The following NTRK2 variants were observed in gnomAD, a reference collection of about 807,000 sequenced individuals.
NTRK2 encodes BDNF/NT-3 growth factors receptor.
NTRK2 carries 13 observed loss-of-function variants against 94.5 expected under a neutral mutation model. The ratio of observed to expected loss-of-function variants is 0.14; its 90% CI spans 0.09 to 0.22. The LOEUF (loss-of-function observed/expected upper bound fraction) is 0.22. Ranked by LOEUF, NTRK2 falls within the 10% of genes least tolerant of loss-of-function variation. The probability of loss-of-function intolerance (pLI) is 1.00; values close to 1 mark genes in which losing one functional copy is unlikely to be tolerated. For synonymous variants in NTRK2, 372 were observed against 407.4 expected (o/e 0.91, Z 1.05); for missense variants, 639 against 1,071.2 (o/e 0.60, Z 5.63).
At chr9:84,768,415 CTT>C (rs2066227751) in intron 12 of NTRK2, among the ~76,000 whole-genome samples, 1 of 152,136 alleles carries the variant, frequency 6.6e-6, no homozygotes, top group African/African-American at 2.4e-5. Context: ...ATCCTCTCCC[CTT>C]GCCAAGCCCC....
chr9:84,881,480 T>A (rs1029531788), intron 14 of NTRK2, among the ~76,000 whole-genome samples: 1 of 152,358 alleles, frequency 6.6e-6, no homozygotes, highest in Admixed American at 6.5e-5. Context: ...TGAATCATAG[T>A]CTGTTCAACG....
intron 9 of NTRK2, among the ~76,000 whole-genome samples, chr9:84,728,862 T>C (rs1409087278): frequency 6.6e-6 from 1 of 152,250 alleles, no homozygotes; most frequent in Non-Finnish European, 1.5e-5. Flanking sequence ...CTTCAGATGC[T>C]GTCCTTCAGT....
intron 11 of NTRK2, among the ~76,000 whole-genome samples, chr9:84,751,203 G>A (rs1047496127): frequency 9.9e-5 from 15 of 152,120 alleles, no homozygotes; most frequent in African/African-American, 2.9e-4. Context: ...CTTAAAAATA[G>A]CCTTTTATTA....
chr9:84,882,831 T>G (rs1397901301), intron 14 of NTRK2, among the ~76,000 whole-genome samples: 1 of 152,212 alleles, frequency 6.6e-6, no homozygotes, highest in Non-Finnish European at 1.5e-5. Context: ...GTTCGCGATC[T>G]CGGCTCACTG....
At chr9:84,905,847 T>A (rs1334871055) in intron 14 of NTRK2, among the ~76,000 whole-genome samples, 1 of 152,158 alleles carries the variant, frequency 6.6e-6, no homozygotes, top group Non-Finnish European at 1.5e-5. Context: ...ACGATAAATG[T>A]GAAACCAATA....
intron 12 of NTRK2, among the ~76,000 whole-genome samples, chr9:84,844,715 A>G (rs1415628730): frequency 2.0e-5 from 3 of 151,056 alleles, no homozygotes; most frequent in Admixed American, 1.3e-4. Flanking sequence ...ATTTGTTTCT[A>G]TTTATTCGTG....
chr9:84,742,789 G>GC (rs1221783716), intron 10 of NTRK2, among the ~76,000 whole-genome samples: 1 of 103,682 alleles, frequency 9.6e-6, no homozygotes, highest in African/African-American at 4.0e-5. Flanking sequence ...CATTATATTA[G>GC]TTTTTTTTTT....
intron 14 of NTRK2, chr9:84,875,370 A>G: frequency 9.4e-7 from 1 of 1,061,364 alleles, no homozygotes; most frequent in Non-Finnish European, 1.1e-6. Flanking sequence ...AGTATCACAG[A>G]GCACATGAGG....
intron 14 of NTRK2, among the ~76,000 whole-genome samples, chr9:84,922,747 T>A (rs1197367913): frequency 6.6e-6 from 1 of 152,200 alleles, no homozygotes; most frequent in Non-Finnish European, 1.5e-5. Context: ...AACCATTGAC[T>A]TCCCCTTCCT....
intron 7 of NTRK2, 82 bp from the exon 8 acceptor site, chr9:84,724,142 A>G: frequency 7.0e-7 from 1 of 1,431,222 alleles, no homozygotes; most frequent in South Asian, 1.1e-5. Context: ...TATTTTCTCT[A>G]GTTAGGGGAA....
At chr9:84,700,155 G>A (rs2060634650) in intron 2 of NTRK2, among the ~76,000 whole-genome samples, 1 of 152,144 alleles carries the variant, frequency 6.6e-6, no homozygotes, top group African/African-American at 2.4e-5. Context: ...AGGAAAACTC[G>A]CCCACATTAT....
chr9:84,803,808 T>TATTAGCC (rs1384552747), intron 12 of NTRK2, among the ~76,000 whole-genome samples: 1 of 152,224 alleles, frequency 6.6e-6, no homozygotes, highest in African/African-American at 2.4e-5. Flanking sequence ...TGTTTCGCAT[T>TATTAGCC]CCGGAATACT....
chr9:85,020,688 T>C (rs1294967350), intron 18 of NTRK2, among the ~76,000 whole-genome samples: 1 of 152,230 alleles, frequency 6.6e-6, no homozygotes, highest in African/African-American at 2.4e-5. Context: ...AGTTCTTTAG[T>C]ATTGTTCCAA....
intron 6 of NTRK2, among the ~76,000 whole-genome samples, chr9:84,720,792 T>TA (rs2062011146): frequency 6.6e-6 from 1 of 151,786 alleles, no homozygotes; most frequent in Non-Finnish European, 1.5e-5. Context: ...GAGGGTGCTA[T>TA]AAAAAAAGAA....
At chr9:84,876,119 T>G (rs2076057168) in intron 14 of NTRK2, 1 of 1,037,658 alleles carries the variant, frequency 9.6e-7, no homozygotes. Flanking sequence ...GCCATTGAAC[T>G]TTTGGGTGCA....
rs138478482 is a variant in NTRK2, at chr9:84,878,568, G to A, written c.1633+11137G>A. On this transcript the variant is annotated intron_variant, in intron 14 of 18. Coordinates refer to ENST00000277120, the MANE Select transcript of NTRK2 (RefSeq NM_006180.6). Reference sequence around the variant, plus strand: ...AGAATCGCTTGAACCCAGGAGGCGGGGGTTGCAGTGAGCCGAGATCATGCC... The same window carrying A: ...AGAATCGCTTGAACCCAGGAGGCGGAGGTTGCAGTGAGCCGAGATCATGCC... Among the ~76,000 whole-genome samples, 1,174 of 151,676 alleles carry A rather than the reference G, an allele frequency of 7.7e-3. 18 individuals carry two copies. Among genetic ancestry groups the A allele is most frequent in the Admixed American group, 0.039 (588 of 15,238 alleles).
At chr9:84,750,941 A>G (rs139570375) in intron 11 of NTRK2, among the ~76,000 whole-genome samples, 1 of 152,348 alleles carries the variant, frequency 6.6e-6, no homozygotes, top group East Asian at 1.9e-4. Context: ...TACCTCTGGG[A>G]TGGGAGAGGA....
At chr9:84,832,266 A>T (rs1333939382) in intron 12 of NTRK2, among the ~76,000 whole-genome samples, 1 of 152,386 alleles carries the variant, frequency 6.6e-6, no homozygotes, top group East Asian at 1.9e-4. Context: ...CCACACAGGG[A>T]TGCTAGGCAT....
At chr9:84,912,867 C>T (rs1011668393) in intron 14 of NTRK2, among the ~76,000 whole-genome samples, 2 of 152,042 alleles carry the variant, frequency 1.3e-5, no homozygotes, top group African/African-American at 2.4e-5. Flanking sequence ...CCGCCCACCT[C>T]GGCCTCCCAA....
Sources: gnomAD v4.1 joint callset for allele counts (sites outside exome capture counted in the v4.1 genomes callset) on GRCh38, gnomAD v4.1.1 for gene constraint, MANE v1.5 for transcripts, NCBI Gene and HGNC (gene_info 2026-07-23, HGNC 2026-07-21) for gene names.